Variants in FSTL4 observed in about 807,000 individuals in gnomAD.
FSTL4 encodes the protein follistatin-related protein 4.
A neutral mutation model predicts 78.2 loss-of-function variants in FSTL4; 28 were observed. The observed-to-expected ratio is 0.36, with a 90% CI of 0.27 to 0.49. The LOEUF is 0.49. FSTL4 is among the 20% of genes least tolerant of loss of function. The pLI, the probability that FSTL4 is intolerant of heterozygous loss-of-function variation, is 0.98. For synonymous variants in FSTL4, 422 were observed against 440.5 expected (o/e 0.96, Z 0.53); for missense variants, 922 against 1,084.9 (o/e 0.85, Z 2.11).
intron 2 of FSTL4, among the ~76,000 whole-genome samples, chr5:133,580,466 C>G (rs1439592997): frequency 1.3e-5 from 2 of 152,174 alleles, no homozygotes; most frequent in East Asian, 3.8e-4. Context: ...CCTTATGAAG[C>G]TTAGGATCTC....
intron 3 of FSTL4, among the ~76,000 whole-genome samples, chr5:133,468,709 G>A (rs191043463): frequency 1.5e-3 from 228 of 152,220 alleles, no homozygotes; most frequent in African/African-American, 5.3e-3. Context: ...TGGCAGCACC[G>A]GGCAAACTCC....
At chr5:133,589,254 T>A (rs1760568977) in intron 2 of FSTL4, among the ~76,000 whole-genome samples, 1 of 64,302 alleles carries the variant, frequency 1.6e-5, no homozygotes, top group Non-Finnish European at 3.3e-5. Flanking sequence ...ACCTGCACAA[T>A]GTGCACATGT....
chr5:133,769,021 T>C, the FSTL4 span, among the ~76,000 whole-genome samples: 866 of 152,336 alleles, frequency 5.7e-3, 7 homozygotes, highest in African/African-American at 0.02. Context: ...AAGACATCAG[T>C]ACATCTGAAC....
chr5:133,691,338 G>A, the FSTL4 span, among the ~76,000 whole-genome samples: 1 of 152,026 alleles, frequency 6.6e-6, no homozygotes, highest in Non-Finnish European at 1.5e-5. Context: ...TATCTCTAAT[G>A]TCTTCTCTCC....
At chr5:133,376,538 AT>A (rs201016582) in intron 4 of FSTL4, among the ~76,000 whole-genome samples, 2 of 152,320 alleles carry the variant, frequency 1.3e-5, no homozygotes, top group South Asian at 2.1e-4. Flanking sequence ...GATGATTTTG[AT>A]TTTAAAAAAA....
chr5:133,448,733 CGGGGGCGGGGGGG>C (rs1757317125), intron 3 of FSTL4, among the ~76,000 whole-genome samples: 1 of 2,010 alleles, frequency 5.0e-4, no homozygotes, highest in Admixed American at 6.0e-3. Flanking sequence ...CCCAGGGGTG[CGGGGGCGGGGGGG>C]GGGGGCGCTC....
At chr5:133,835,701 T>C in the FSTL4 span, among the ~76,000 whole-genome samples, 1 of 152,208 alleles carries the variant, frequency 6.6e-6, no homozygotes, top group East Asian at 1.9e-4. Context: ...ATTTATTTTG[T>C]CATCTGCTAG....
chr5:133,526,532 C>T (rs1004871051), intron 3 of FSTL4, among the ~76,000 whole-genome samples: 3 of 151,890 alleles, frequency 2.0e-5, no homozygotes, highest in Non-Finnish European at 4.4e-5. Flanking sequence ...GAAATTTGGG[C>T]AGAAAAAAAG....
intron 4 of FSTL4, among the ~76,000 whole-genome samples, chr5:133,335,592 A>G (rs372420065): frequency 1.1e-3 from 159 of 151,064 alleles, no homozygotes; most frequent in African/African-American, 3.6e-3. Flanking sequence ...ATGTCCCCCT[A>G]TCAACCCCTA....
chr5:133,260,877 A>G (rs1412692369), intron 6 of FSTL4, among the ~76,000 whole-genome samples: 1 of 152,146 alleles, frequency 6.6e-6, no homozygotes, highest in Non-Finnish European at 1.5e-5. Context: ...CCAACTGGTG[A>G]CACTGTGGGC....
chr5:133,372,676 G>T (rs892303078), intron 4 of FSTL4, among the ~76,000 whole-genome samples: 3 of 152,224 alleles, frequency 2.0e-5, no homozygotes, highest in South Asian at 4.1e-4. Context: ...ATGGGGGAAT[G>T]GATCCAGACA....
At chr5:133,262,535 A>C (rs1420077619) in intron 6 of FSTL4, among the ~76,000 whole-genome samples, 2 of 152,182 alleles carry the variant, frequency 1.3e-5, no homozygotes, top group Non-Finnish European at 2.9e-5. Context: ...AACCTGTAGA[A>C]TATGTCTACT....
At chr5:133,750,823 G>T in the FSTL4 span, among the ~76,000 whole-genome samples, 1 of 152,128 alleles carries the variant, frequency 6.6e-6, no homozygotes, top group Non-Finnish European at 1.5e-5. Context: ...TGCAGGGCTG[G>T]GGCACAAAAC....
chr5:133,259,309 C>G (rs1042348733), intron 6 of FSTL4, among the ~76,000 whole-genome samples: 7 of 151,764 alleles, frequency 4.6e-5, no homozygotes, highest in African/African-American at 1.5e-4. Context: ...AGAAAACAGC[C>G]CATACAAAGG....
the FSTL4 span, among the ~76,000 whole-genome samples, chr5:133,840,062 G>A: frequency 6.6e-6 from 1 of 152,100 alleles, no homozygotes. Context: ...AAGGAGAAAG[G>A]GACAAAACCT....
chr5:133,828,511 G>A, the FSTL4 span, among the ~76,000 whole-genome samples: 1 of 152,084 alleles, frequency 6.6e-6, no homozygotes, highest in Non-Finnish European at 1.5e-5. Context: ...ATCTCAGATC[G>A]CTACATCCGT....
rs974086554 is a variant in FSTL4 at position 133,536,516 on chromosome 5, T to A, written c.160+30670A>T. Among the ~76,000 whole-genome samples the A allele has an allele frequency of 3.9e-5, 6 of 152,144 alleles. 1 individual carries two copies. In the East Asian group the frequency reaches 7.7e-4, roughly 19 times the overall value. ...GGGACATTTAAAGGTACTTTATTAT[T>A]ATAATCAATGCCATAATAAATATTT... On this transcript the variant is annotated intron_variant, in intron 3 of 15. Coordinates refer to ENST00000265342, the MANE Select transcript of FSTL4 (RefSeq NM_015082.2).
chr5:133,565,001 T>A (rs1314486287), intron 3 of FSTL4, among the ~76,000 whole-genome samples: 1 of 152,190 alleles, frequency 6.6e-6, no homozygotes, highest in Non-Finnish European at 1.5e-5. Context: ...ATGGAGGGGA[T>A]GCTCCTGAGT....
At position 133,225,054 on chromosome 5, in the gene FSTL4, G is replaced by A; in HGVS notation, c.1312+96C>T. ...CTTACCCCTGTCTTCACGGGCTCAT[G>A]GTTGGCAGCTGTGGCCCTGGTCAAT... is the stretch of plus-strand genomic sequence containing the variant. On this transcript the variant is annotated intron_variant, in intron 10 of 15. Transcript: ENST00000265342. This position sits in a 1 kb window ranked among gnomAD's most constrained non-coding sequence, Gnocchi z 4.6. 2 of 1,400,454 alleles carry A rather than the reference G, an allele frequency of 1.4e-6. No homozygotes were observed. Among genetic ancestry groups the A allele is most frequent in the South Asian group, 1.2e-5 (1 of 83,430 alleles). 86.8% of individuals were successfully genotyped at this position (1,400,454 alleles called of 1,614,324 possible).
Sources: gnomAD v4.1 joint callset for allele counts (sites outside exome capture counted in the v4.1 genomes callset) on GRCh38, gnomAD v4.1.1 for gene constraint, Gnocchi (gnomAD v3.1) non-coding constraint, MANE v1.5 for transcripts, NCBI Gene and HGNC (gene_info 2026-07-23, HGNC 2026-07-21) for gene names.